INPP5F: variants seen among roughly 807,000 people sequenced by gnomAD.
The protein encoded by INPP5F is inositol polyphosphate-5-phosphatase F, also known as phosphatidylinositide 4-phosphatase SAC2.
Under a neutral mutation model 137.2 loss-of-function variants are expected in INPP5F, and 97 were observed. The observed-to-expected ratio is 0.71, with a 90% CI of 0.60 to 0.84. The LOEUF (loss-of-function observed/expected upper bound fraction) is 0.84. Among genes scored for constraint, INPP5F ranks in the 40% least tolerant of loss-of-function variants. The pLI is 0.00. For synonymous variants in INPP5F, 504 were observed against 476.9 expected, an observed-to-expected ratio of 1.06 and a Z score of -0.74; for missense variants, 1,271 against 1,371.9, an observed-to-expected ratio of 0.93 and a Z score of 1.16.
Position 119,827,498 on chromosome 10 carries a change from C to T in INPP5F, c.3117C>T (p.Thr1039=), listed in dbSNP as rs752291866. 1.2e-6 allele frequency: 2 copies of T among 1,614,144 alleles called. No individual in the cohort carries two copies. Among genetic ancestry groups the T allele is most frequent in the South Asian group, 2.2e-5 (2 of 91,076 alleles). The change falls in exon 20 of 20, where the codon ACC becomes ACT. Residue 1039 remains threonine (T), a synonymous_variant. Transcript: ENST00000650623. ...CGCATTCAGTTGCATCTCAAAAAAC[C>T]CCCACCTCCGCTTCCAGCATGCTTG... ...EPAHSVASQK[T]PTSASSMLEL... is the part of the protein sequence containing the mutation.
intron 2 of INPP5F, among the ~76,000 whole-genome samples, chr10:119,765,676 C>T (rs1200545928): frequency 6.7e-6 from 1 of 150,296 alleles, no homozygotes; most frequent in African/African-American, 2.5e-5. Flanking sequence ...GCCACTGTGC[C>T]CAGCCAAAAG....
At chr10:119,782,654 A>G (rs1008016927) in intron 3 of INPP5F, among the ~76,000 whole-genome samples, 1 of 150,956 alleles carries the variant, frequency 6.6e-6, no homozygotes, top group Non-Finnish European at 1.5e-5. Flanking sequence ...TGTCTTGTGG[A>G]AAAAAAAAAT....
intron 2 of INPP5F, among the ~76,000 whole-genome samples, chr10:119,771,843 G>GATATATATAT (rs1564819539): frequency 2.4e-4 from 10 of 40,868 alleles, no homozygotes; most frequent in Non-Finnish European, 4.4e-4. Flanking sequence ...ATAAAGTATG[G>GATATATATAT]AGATATATAT....
intron 2 of INPP5F, among the ~76,000 whole-genome samples, chr10:119,762,677 T>A (rs1195741837): frequency 6.6e-6 from 1 of 152,184 alleles, no homozygotes; most frequent in Admixed American, 6.5e-5. Flanking sequence ...TGTATAGGTA[T>A]ATGGAAATAT....
Position 119,771,868 on chromosome 10 carries a change from ATATATATATATATATTTTTTTTTTTTTTT to A in INPP5F, c.179-9765_179-9737del, listed in dbSNP as rs1343640669. ...GAGATATATATATATATATATATAT[ATATATATATATATATTTTTTTTTTTTTTT>A]TTTTTTTTTTTTTTTTGAGATGGAG... is the stretch of plus-strand genomic sequence containing the variant. On this transcript the variant is annotated intron_variant, in intron 2 of 19. Coordinates refer to ENST00000650623, the MANE Select transcript of INPP5F (RefSeq NM_014937.4). Among the ~76,000 whole-genome samples, 180 of 14,308 alleles carry A rather than the reference ATATATATATATATATTTTTTTTTTTTTTT, an allele frequency of 0.013. 8 individuals are homozygous for A. The South Asian group carries it at 0.13, about 11-fold the overall frequency. The allele number at this position is 14,308 out of a possible 152,430, so 9.4% of individuals were successfully genotyped here. A position where few individuals can be genotyped will look rare whatever the true frequency, so the allele number is the denominator to read the frequency against.
In INPP5F at chr10:119,823,903, G is replaced by A. The variant is rs1335882023; in HGVS notation, c.2249+1G>A. ...CCATAATTGAGAAGAAACTTGAGAG[G>A]TGAGTATACTGCTTCTCTCAAGAAT... On this transcript the variant is annotated splice_donor_variant, in intron 19 of 19. Transcript: ENST00000650623. LOFTEE classifies it high-confidence loss of function. The A allele has an allele frequency of 1.2e-6, 2 of 1,602,676 alleles. No homozygotes were observed. Among genetic ancestry groups the A allele is most frequent in the Non-Finnish European group, 1.7e-6 (2 of 1,170,154 alleles).
chr10:119,779,170 A>G (rs1309056442), intron 2 of INPP5F, among the ~76,000 whole-genome samples: 3 of 152,152 alleles, frequency 2.0e-5, no homozygotes, highest in Non-Finnish European at 4.4e-5. Context: ...AATTTCATCT[A>G]AACATAGAAA....
Position 119,811,780 on chromosome 10 carries a change from A to G in INPP5F, c.1711A>G (p.Thr571Ala). 1 of 1,613,984 alleles carries G rather than the reference A, an allele frequency of 6.2e-7. No homozygotes were observed. The highest frequency in any genetic ancestry group is 1.1e-5 in the South Asian group (1 of 91,068). The change falls in exon 15 of 20, where the codon ACA (threonine) becomes GCA (alanine). Residue 571 changes from threonine to alanine, a missense_variant. This residue lies in a region of INPP5F where 593 missense variants were observed against 712.4 expected (regional missense o/e 0.83). Transcript: ENST00000650623. ...VIDLMQGIPV[T>A]EDLYSIFTKE... The stretch of plus-strand genomic sequence containing the variant: ...AGATTTGATGCAAGGCATTCCAGTG[A>G]CAGAAGATCTTTATTCCATATTTAC...
intron 16 of INPP5F, among the ~76,000 whole-genome samples, chr10:119,821,314 A>G (rs1589757179): frequency 1.3e-5 from 2 of 151,088 alleles, no homozygotes; most frequent in African/African-American, 4.9e-5. Flanking sequence ...ACTACCAATG[A>G]TGCAGTTGTC....
At chr10:119,773,247 G>C (rs1317143735) in intron 2 of INPP5F, among the ~76,000 whole-genome samples, 3 of 151,758 alleles carry the variant, frequency 2.0e-5, no homozygotes, top group African/African-American at 7.3e-5. Flanking sequence ...TGTAGAGACA[G>C]GGTCTTGCTG....
At chr10:119,813,346 A>G (rs1851121585) in intron 15 of INPP5F, among the ~76,000 whole-genome samples, 3 of 152,336 alleles carry the variant, frequency 2.0e-5, no homozygotes, top group South Asian at 4.1e-4. Context: ...TCTGGCAATT[A>G]TATTAATAAA....
rs1307617638 is a variant in INPP5F at position 119,797,476 on chromosome 10, G to A, written c.884G>A (p.Arg295Gln). ...SRHRAGMRYK[R>Q]RGVDKNGNVA... Reference sequence around the variant, plus strand: ...TTTCTTTCAGGAATGCGCTATAAACGAAGAGGAGTGGATAAAAATGGAAAT... The same window carrying A: ...TTTCTTTCAGGAATGCGCTATAAACAAAGAGGAGTGGATAAAAATGGAAAT... The change falls in exon 8 of 20, where the codon CGA becomes CAA. Residue 295 changes from arginine to glutamine, a missense_variant. Coordinates refer to ENST00000650623, the MANE Select transcript of INPP5F (RefSeq NM_014937.4). 5.6e-6 allele frequency: 9 copies of A among 1,608,850 alleles called. No individual in the cohort carries two copies. The highest frequency in any genetic ancestry group is 1.6e-4 in the Middle Eastern group (1 of 6,072).
At chr10:119,823,510 A>G (rs1851642366) in intron 18 of INPP5F, among the ~76,000 whole-genome samples, 1 of 152,208 alleles carries the variant, frequency 6.6e-6, no homozygotes, top group Non-Finnish European at 1.5e-5. Flanking sequence ...GCAGGTAGGA[A>G]TCATGCCTGT....
intron 2 of INPP5F, among the ~76,000 whole-genome samples, chr10:119,764,971 C>T (rs1361175189): frequency 6.6e-6 from 1 of 151,644 alleles, no homozygotes; most frequent in Non-Finnish European, 1.5e-5. Flanking sequence ...TCCCTCTTGT[C>T]GCCCAGACTG....
chr10:119,813,122 G>A (rs1851111306), intron 15 of INPP5F, among the ~76,000 whole-genome samples: 1 of 152,186 alleles, frequency 6.6e-6, no homozygotes, highest in African/African-American at 2.4e-5. Context: ...TTTATTTCTA[G>A]TGTTGGCTAC....
At chr10:119,804,724 C>A (rs556626640) in intron 10 of INPP5F, among the ~76,000 whole-genome samples, 1 of 151,320 alleles carries the variant, frequency 6.6e-6, no homozygotes, top group Non-Finnish European at 1.5e-5. Context: ...ACAATCAGGG[C>A]ATCTTTTTTT....
chr10:119,792,721 G>A (rs1850191655), intron 6 of INPP5F, among the ~76,000 whole-genome samples: 1 of 152,058 alleles, frequency 6.6e-6, no homozygotes, highest in South Asian at 2.1e-4. Flanking sequence ...AGTTCCTTTG[G>A]TTTGATGATT....
At chr10:119,785,325 G>A (rs1209957062) in intron 3 of INPP5F, among the ~76,000 whole-genome samples, 3 of 122,256 alleles carry the variant, frequency 2.5e-5, no homozygotes, top group Admixed American at 9.0e-5. Flanking sequence ...TCGCTCTGTC[G>A]CCCAGGCTGG....
At chr10:119,762,417 C>T (rs1456877934) in intron 2 of INPP5F, among the ~76,000 whole-genome samples, 2 of 152,026 alleles carry the variant, frequency 1.3e-5, no homozygotes, top group African/African-American at 4.8e-5. Context: ...GGCACTAATC[C>T]CATTTGTGAT....
Sources: allele counts gnomAD v4.1 joint callset (sites outside exome capture counted in the v4.1 genomes callset), GRCh38; gene constraint gnomAD v4.1.1; regional missense constraint gnomAD v4.1.1; transcripts MANE v1.5; gene names NCBI Gene and HGNC (gene_info 2026-07-23, HGNC 2026-07-21).